The following SLC25A39 variants were observed in gnomAD, a reference collection of about 807,000 sequenced individuals.
SLC25A39 encodes solute carrier family 25 member 39.
Under a neutral mutation model 46.6 loss-of-function variants are expected in SLC25A39, and 44 were observed. That is an observed-to-expected ratio of 0.94 (90% CI 0.74 to 1.21). SLC25A39 has a LOEUF of 1.21. SLC25A39 is among the 50% of genes most tolerant of loss of function. SLC25A39 has a pLI of 0.00. For synonymous variants in SLC25A39, 218 were observed against 190.6 expected (o/e 1.14, Z -1.19); for missense variants, 487 against 473.0 (o/e 1.03, Z -0.28).
intron 2 of SLC25A39, 39 bp downstream of exon 2, chr17:44,323,439 A>AACCCCCCCCCCCCCCCCCCCC: frequency 3.9e-6 from 1 of 257,106 alleles, no homozygotes; most frequent in Non-Finnish European, 5.7e-6. Flanking sequence ...GGTCTGCCCC[A>AACCCCCCCCCCCCCCCCCCCC]TCCCCACCCG....
chr17:44,320,542 G>A, intron 9 of SLC25A39, 80 bp downstream of exon 9: 5 of 1,574,916 alleles, frequency 3.2e-6, no homozygotes, highest in Non-Finnish European at 4.4e-6. Flanking sequence ...CATGGGGTCT[G>A]CTTCTGGGCA....
At chr17:44,323,439 A>ACCCCCCCCCC in intron 2 of SLC25A39, 39 bp downstream of exon 2, 5 of 257,098 alleles carry the variant, frequency 1.9e-5, no homozygotes, top group South Asian at 5.2e-5. Context: ...GGTCTGCCCC[A>ACCCCCCCCCC]TCCCCACCCG....
Position 44,321,503 on chromosome 17 carries a change from C to A in SLC25A39, c.448G>T (p.Ala150Ser), listed in dbSNP as rs1446662681. ...GTCAGGGCTCGACCACACAGGAAGG[C>A]CTTCAGTTGGTCATAGGCAGTGAAG... ...IYFTAYDQLK[A>S]FLCGRALTSD... The change falls in exon 7 of 12, where the codon GCC becomes TCC. Residue 150 changes from alanine to serine, a missense_variant. Physicochemically the swap from Ala to Ser is moderately conservative, Grantham distance 99. Transcript: ENST00000377095. The A allele has an allele frequency of 1.9e-6, 3 of 1,614,076 alleles. No individual in the cohort carries two copies. In the South Asian group the frequency reaches 3.3e-5, roughly 18 times the overall value.
At position 44,323,271 on chromosome 17, in the gene SLC25A39, G is replaced by A. The variant is rs2048112197; in HGVS notation, c.145+13C>T. On this transcript the variant is annotated intron_variant, in intron 3 of 11. Coordinates refer to ENST00000377095, the MANE Select transcript of SLC25A39 (RefSeq NM_001143780.3). Reference sequence around the variant, plus strand: ...AGGCACCACCCCTCACTAGTTCCAGGTCAGGTACTCACCGCTGGCCATGGA... The same window carrying A: ...AGGCACCACCCCTCACTAGTTCCAGATCAGGTACTCACCGCTGGCCATGGA... 7.4e-6 allele frequency: 12 copies of A among 1,613,770 alleles called. No homozygotes were observed. The East Asian group carries it at 2.7e-4, about 36-fold the overall frequency.
intron 5 of SLC25A39, among the ~76,000 whole-genome samples, 155 bp downstream of exon 5, chr17:44,322,264 C>T (rs992017191): frequency 1.3e-5 from 2 of 152,072 alleles, no homozygotes; most frequent in African/African-American, 2.4e-5. Context: ...AAACAAACAC[C>T]CCATGGAGGT....
chr17:44,320,722 C>A lies in SLC25A39; in HGVS notation c.701G>T (p.Trp234Leu), dbSNP rs369965341. ...LRDVPFSALY[W>L]FNYELVKSWL... ...GCTCTTCACCAGCTCATAGTTGAACCAGTACAGGGCTTGGGGTGGGGGATG... is the reference window on the plus strand; with the variant it reads ...GCTCTTCACCAGCTCATAGTTGAACAAGTACAGGGCTTGGGGTGGGGGATG... Residue 234 changes from tryptophan (W) to leucine (L), a missense_variant, in exon 9 of 12, where the codon TGG becomes TTG. Physicochemically the swap from Trp to Leu is moderately conservative, Grantham distance 61. Transcript: ENST00000377095. 6 of 1,613,356 alleles carry A rather than the reference C, an allele frequency of 3.7e-6. No homozygotes were observed. The African/African-American group carries it at 8.0e-5, about 22-fold the overall frequency.
chr17:44,320,280 C>A lies in SLC25A39; in HGVS notation c.884-4G>T. Reference sequence around the variant, plus strand: ...GAGTCCACATGCAGGGGGTTCACTGCAAACGCGAGGCCGGCTCAGTGAGAC... The same window carrying A: ...GAGTCCACATGCAGGGGGTTCACTGAAAACGCGAGGCCGGCTCAGTGAGAC... On this transcript the variant is annotated splice_region_variant and splice_polypyrimidine_tract_variant and intron_variant, in intron 10 of 11. Transcript: ENST00000377095. The A allele has an allele frequency of 6.2e-7, 1 of 1,613,704 alleles. No homozygotes were observed. Among genetic ancestry groups the A allele is most frequent in the Non-Finnish European group, 8.5e-7 (1 of 1,180,028 alleles).
chr17:44,320,821 G>T (rs943885689), intron 8 of SLC25A39, 90 bp from the exon 9 acceptor site: 83 of 1,109,474 alleles, frequency 7.5e-5, no homozygotes, highest in Middle Eastern at 6.0e-4. Flanking sequence ...CTCCCTCCCA[G>T]CTGTGAGTCT....
rs778132147 is a variant in SLC25A39, at chr17:44,320,389, G to T, written c.849C>A (p.Arg283=). 4.3e-6 allele frequency: 7 copies of T among 1,613,520 alleles called. No homozygotes were observed. In the South Asian group the frequency reaches 7.7e-5, roughly 18 times the overall value. The part of the protein sequence containing the change: ...TLPFDVVKTQ[R]QVALGAMEAV... ...CCTCCATCGCTCCCAGAGCGACCTG[G>T]CGTTGGGTCTTTACCACGTCAAAGG... Residue 283 remains arginine (R), a synonymous_variant, in exon 10 of 12, where the codon CGC becomes CGA. Coordinates refer to ENST00000377095, the MANE Select transcript of SLC25A39 (RefSeq NM_001143780.3).
intron 6 of SLC25A39, 42 bp from the exon 7 acceptor site, chr17:44,321,600 C>A (rs1474929620): frequency 1.2e-6 from 2 of 1,611,134 alleles, no homozygotes; most frequent in Non-Finnish European, 8.5e-7. Context: ...CCCAAAAGGA[C>A]CCAAACTTTT....
At position 44,322,484 on chromosome 17, in the gene SLC25A39, G is replaced by C. The variant is rs1056455275; in HGVS notation, c.259C>G (p.Leu87Val). The change falls in exon 5 of 12, where the codon CTG becomes GTG. Residue 87 changes from leucine to valine, a missense_variant. Transcript: ENST00000377095. Reference sequence around the variant, plus strand: ...GCACAGCGGGCACCATTTGGGCACAGGTACAGAGGCTCCAGGACACCATTG... The same window carrying C: ...GCACAGCGGGCACCATTTGGGCACACGTACAGAGGCTCCAGGACACCATTG... ...YCNGVLEPLY[L>V]CPNGARCATW... 5.6e-6 allele frequency: 9 copies of C among 1,614,070 alleles called. No individual in the cohort carries two copies. In the African/African-American group the frequency reaches 1.1e-4, roughly 19 times the overall value.
At chr17:44,320,481 C>T in intron 9 of SLC25A39, 45 bp from the exon 10 acceptor site, 1 of 1,607,382 alleles carries the variant, frequency 6.2e-7, no homozygotes, top group South Asian at 1.1e-5. Context: ...CTTCCTGGAC[C>T]CCCACCCCTA....
chr17:44,324,090 T>C (rs2048150360), intron 1 of SLC25A39: 1 of 165,760 alleles, frequency 6.0e-6, no homozygotes, highest in Non-Finnish European at 1.3e-5. Context: ...CTGCCCAAGG[T>C]CACTCAGGAG....
chr17:44,322,850 G>A lies in SLC25A39; in HGVS notation c.148C>T (p.Leu50=), dbSNP rs1167884404. 8.1e-6 allele frequency: 13 copies of A among 1,613,916 alleles called. No individual in the cohort carries two copies. Among genetic ancestry groups the A allele is most frequent in the African/African-American group, 1.3e-5 (1 of 74,910 alleles). ...QSQRPSMASE[L]MPSSRLWSLS... ...CTCCACAGTCTGGAGGAAGGCATCA[G>A]CTCTAAAATACAAGGCAGCCCCTCA... is the stretch of plus-strand genomic sequence containing the variant. Residue 50 remains leucine (L), a splice_region_variant and synonymous_variant, in exon 4 of 12, where the codon CTG becomes TTG. Coordinates refer to ENST00000377095, the MANE Select transcript of SLC25A39 (RefSeq NM_001143780.3).
In SLC25A39 at chr17:44,323,541, C is replaced by A. The variant is rs1046527569; in HGVS notation, c.22G>T (p.Gly8Cys). Reference protein sequence around the residue: MADQDPAGISPLQQMVAS... With the variant: MADQDPACISPLQQMVAS... Reference sequence around the variant, plus strand: ...ACCATTTGCTGGAGGGGGCTGATGCCCGCAGGGTCCTGGTCAGCCATCTTG... The same window carrying A: ...ACCATTTGCTGGAGGGGGCTGATGCACGCAGGGTCCTGGTCAGCCATCTTG... The change falls in exon 2 of 12, where the codon GGC (glycine) becomes TGC (cysteine). Residue 8 changes from glycine to cysteine, a missense_variant. Gly to Cys is a radical substitution (Grantham distance 159, BLOSUM62 -3). Transcript: ENST00000377095. 5 of 1,574,920 alleles carry A rather than the reference C, an allele frequency of 3.2e-6. No individual in the cohort carries two copies. In the South Asian group the frequency reaches 3.5e-5, roughly 11 times the overall value.
Position 44,321,756 on chromosome 17 carries a change from C to T in SLC25A39, c.336G>A (p.Val112=). The change falls in exon 6 of 12, where the codon GTG becomes GTA. Residue 112 remains valine (V), a synonymous_variant. Coordinates refer to ENST00000377095, the MANE Select transcript of SLC25A39 (RefSeq NM_001143780.3). ...TRFTGTMDAF[V]KIVRHEGTRT... is the part of the protein sequence containing the mutation. The stretch of plus-strand genomic sequence containing the variant: ...TGGTGCCCTCGTGCCTCACGATCTT[C>T]ACGAAGGCATCCTGGCCAAGCAGGC... 1 of 1,612,140 alleles carries T rather than the reference C, an allele frequency of 6.2e-7. No homozygotes were observed. Among genetic ancestry groups the T allele is most frequent in the Non-Finnish European group, 8.5e-7 (1 of 1,178,960 alleles).
rs2047986278 is a variant in SLC25A39 at position 44,320,387 on chromosome 17, T to C, written c.851A>G (p.Gln284Arg). ...LPFDVVKTQR[Q>R]VALGAMEAVR... ...AGCCTCCATCGCTCCCAGAGCGACC[T>C]GGCGTTGGGTCTTTACCACGTCAAA... is the stretch of plus-strand genomic sequence containing the variant. The change falls in exon 10 of 12, where the codon CAG becomes CGG. Residue 284 changes from glutamine to arginine, a missense_variant. Transcript: ENST00000377095. The C allele has an allele frequency of 1.2e-6, 2 of 1,613,622 alleles. No individual in the cohort carries two copies. Among genetic ancestry groups the C allele is most frequent in the African/African-American group, 1.3e-5 (1 of 75,044 alleles).
rs779390829 is a variant in SLC25A39, at chr17:44,320,279, G to A, written c.884-3C>T. The A allele has an allele frequency of 5.6e-6, 9 of 1,613,576 alleles. No individual in the cohort carries two copies. The East Asian group carries it at 2.0e-4, about 36-fold the overall frequency. On this transcript the variant is annotated splice_region_variant and splice_polypyrimidine_tract_variant and intron_variant, in intron 10 of 11. Transcript: ENST00000377095. ...GGAGTCCACATGCAGGGGGTTCACT[G>A]CAAACGCGAGGCCGGCTCAGTGAGA...
chr17:44,323,439 A>AGGCCCCCC, intron 2 of SLC25A39, 39 bp downstream of exon 2: 3 of 257,104 alleles, frequency 1.2e-5, no homozygotes, highest in South Asian at 5.2e-5. Flanking sequence ...GGTCTGCCCC[A>AGGCCCCCC]TCCCCACCCG....
Sources: allele counts gnomAD v4.1 joint callset (sites outside exome capture counted in the v4.1 genomes callset), GRCh38; gene constraint gnomAD v4.1.1; transcripts MANE v1.5; gene names NCBI Gene and HGNC (gene_info 2026-07-23, HGNC 2026-07-21).